USP36: variants seen among roughly 807,000 people sequenced by gnomAD.
The protein encoded by USP36 is ubiquitin specific peptidase 36.
Under a neutral mutation model 111.5 loss-of-function variants are expected in USP36, and 59 were observed. The ratio of observed to expected loss-of-function variants is 0.53; its 90% CI spans 0.43 to 0.66. The LOEUF (loss-of-function observed/expected upper bound fraction) is 0.66, where lower values mean the gene tolerates loss of function less well. Ranked by LOEUF, USP36 falls within the 30% of genes least tolerant of loss-of-function variation. The pLI is 0.00. For missense variants in USP36, 1,488 were observed against 1,468.0 expected, an observed-to-expected ratio of 1.01 and a Z score of -0.22; for synonymous variants, 628 against 581.0, an observed-to-expected ratio of 1.08 and a Z score of -1.16.
At chr17:78,809,220 G>A (rs1240646683) in intron 13 of USP36, among the ~76,000 whole-genome samples, 1 of 152,136 alleles carries the variant, frequency 6.6e-6, no homozygotes, top group Non-Finnish European at 1.5e-5. Flanking sequence ...GTAAATCTTA[G>A]TCAATTCATA....
chr17:78,807,306 A>G lies in USP36; in HGVS notation c.1738T>C (p.Ser580Pro). Residue 580 changes from serine to proline, a missense_variant, in exon 14 of 21, where the codon TCT becomes CCT. Ser to Pro is a moderately conservative substitution (Grantham distance 74, BLOSUM62 -1). Transcript: ENST00000449938. ...GSWDSRDVVL[S>P]TSPKLLATAT... ...GTAGCCAGGAGCTTAGGTGAGGTAGAGAGGACAACATCCCTGCTGTCCCAG... is the reference window on the plus strand; with the variant it reads ...GTAGCCAGGAGCTTAGGTGAGGTAGGGAGGACAACATCCCTGCTGTCCCAG... 6.2e-7 allele frequency: 1 copy of G among 1,614,178 alleles called. No individual in the cohort carries two copies. Among genetic ancestry groups the G allele is most frequent in the Non-Finnish European group, 8.5e-7 (1 of 1,180,016 alleles).
intron 13 of USP36, among the ~76,000 whole-genome samples, chr17:78,811,960 A>T (rs1422022440): frequency 6.6e-6 from 1 of 152,188 alleles, no homozygotes; most frequent in Non-Finnish European, 1.5e-5. Flanking sequence ...AGGCCAAGAC[A>T]GGAGAATTGC....
In USP36 at chr17:78,835,293, C is replaced by G; in HGVS notation, c.462G>C (p.Glu154Asp). The G allele has an allele frequency of 6.2e-7, 1 of 1,614,180 alleles. No homozygotes were observed. Among genetic ancestry groups the G allele is most frequent in the South Asian group, 1.1e-5 (1 of 91,084 alleles). The part of the protein sequence containing the change: ...PPLANYLLSK[E>D]HARSCHQGSF... The stretch of plus-strand genomic sequence containing the variant: ...ACCCACACTCACAGCTGCGAGCATG[C>G]TCCTTGGAGAGCAGGTAGTTGGCTA... Residue 154 changes from glutamate (E) to aspartate (D), a missense_variant, in exon 4 of 21, where the codon GAG becomes GAC. Physicochemically the swap from Glu to Asp is conservative, Grantham distance 45 (BLOSUM62 2). Transcript: ENST00000449938.
At chr17:78,790,955 G>C (rs1440348290), downstream of USP36, among the ~76,000 whole-genome samples, 1 of 152,110 alleles carries the variant, frequency 6.6e-6, no homozygotes, top group Non-Finnish European at 1.5e-5. Flanking sequence ...AAATGAAGCA[G>C]TAAGGGAGAA....
At chr17:78,790,626 A>G (rs529644187) in intron 3 of USP36, among the ~76,000 whole-genome samples, 18 of 152,190 alleles carry the variant, frequency 1.2e-4, no homozygotes, top group African/African-American at 3.9e-4. Context: ...GGCTCAAGCA[A>G]TCCTCTCATC....
downstream of USP36, among the ~76,000 whole-genome samples, chr17:78,792,605 C>T (rs1047279998): frequency 6.6e-6 from 1 of 152,198 alleles, no homozygotes; most frequent in Non-Finnish European, 1.5e-5. Flanking sequence ...AGCCCGGCAA[C>T]TGGTGTTTTA....
downstream of USP36, among the ~76,000 whole-genome samples, chr17:78,795,046 C>T (rs1049262850): frequency 2.6e-5 from 4 of 151,780 alleles, no homozygotes; most frequent in Admixed American, 1.3e-4. This position sits in a 1 kb window ranked among gnomAD's most constrained non-coding sequence, Gnocchi z 4.5. Flanking sequence ...ACCACAGCCT[C>T]GCCCATGTCG....
In USP36 at chr17:78,812,949, A is replaced by G. The variant is rs1249860743; in HGVS notation, c.1318T>C (p.Ser440Pro). 2 of 1,614,012 alleles carry G rather than the reference A, an allele frequency of 1.2e-6. No homozygotes were observed. Among genetic ancestry groups the G allele is most frequent in the Non-Finnish European group, 1.7e-6 (2 of 1,179,992 alleles). Residue 440 changes from serine to proline, a missense_variant, in exon 13 of 21, where the codon TCC becomes CCC. By Grantham distance (74) the Ser-to-Pro change is moderately conservative. Transcript: ENST00000449938. ...PEGLISRTGS[S>P]SLPGRPSVIP... ...ACACTCGGGCGGCCGGGAAGGGAGG[A>G]GGAGCCTGTCCTGGAGATGAGGCCC...
chr17:78,799,197 G>A (rs904594394), intron 18 of USP36, among the ~76,000 whole-genome samples, 174 bp from the exon 19 acceptor site: 4 of 152,208 alleles, frequency 2.6e-5, no homozygotes, highest in South Asian at 4.1e-4. Flanking sequence ...ATGTGTGGTC[G>A]GTCAGCATGG....
intron 2 of USP36, among the ~76,000 whole-genome samples, chr17:78,838,381 A>C (rs1464460560): frequency 6.8e-6 from 1 of 147,752 alleles, no homozygotes; most frequent in Non-Finnish European, 1.5e-5. Context: ...CAAAAAAAAA[A>C]AAAAACAAAA....
At chr17:78,808,993 GC>G (rs1034567161) in intron 13 of USP36, among the ~76,000 whole-genome samples, 1 of 152,162 alleles carries the variant, frequency 6.6e-6, no homozygotes, top group African/African-American at 2.4e-5. Context: ...ATGCCAAACT[GC>G]TTTTACTATA....
At chr17:78,806,652 C>A (rs2093910032) in intron 14 of USP36, among the ~76,000 whole-genome samples, 2 of 152,172 alleles carry the variant, frequency 1.3e-5, no homozygotes, top group South Asian at 4.1e-4. Context: ...GTGGGGCCCA[C>A]CCTCCCTCGG....
At chr17:78,827,864 T>G (rs1192464258) in intron 5 of USP36, among the ~76,000 whole-genome samples, 1 of 152,086 alleles carries the variant, frequency 6.6e-6, no homozygotes, top group Non-Finnish European at 1.5e-5. Flanking sequence ...AGCTATGATC[T>G]CACCACTGCA....
chr17:78,800,637 T>C (rs971427487), intron 17 of USP36, among the ~76,000 whole-genome samples: 1 of 152,212 alleles, frequency 6.6e-6, no homozygotes, highest in African/African-American at 2.4e-5. Flanking sequence ...GACCCGGCCA[T>C]GCAGAGCAGC....
chr17:78,795,592 C>T (rs1409618432), downstream of USP36: 1 of 152,072 alleles, frequency 6.6e-6, no homozygotes, highest in Non-Finnish European at 1.5e-5. The surrounding 1 kb of genome is among the most constrained non-coding windows in gnomAD (Gnocchi z 4.5). Context: ...ATCAGCGAGA[C>T]TGTGGTTGGG....
At chr17:78,824,268 A>T (rs1021339034) in intron 6 of USP36, among the ~76,000 whole-genome samples, 11 of 152,234 alleles carry the variant, frequency 7.2e-5, no homozygotes, top group African/African-American at 2.7e-4. Flanking sequence ...AAAAAAATGA[A>T]ATCATGCACG....
At chr17:78,824,938 G>A (rs1208909913) in intron 6 of USP36, among the ~76,000 whole-genome samples, 1 of 152,170 alleles carries the variant, frequency 6.6e-6, no homozygotes, top group Admixed American at 6.5e-5. Context: ...CACTCAGAAT[G>A]CTAAAAGCAA....
Position 78,807,490 on chromosome 17 carries a change from G to C in USP36, c.1554C>G (p.Leu518=), listed in dbSNP as rs1238972373. ...KLPSGSPSPK[L]SQTPTHMPTI... ...TTGGCATGTGTGTGGGTGTCTGGGAGAGTTTGGGGGAAGGGGACCCCGAGG... is the reference window on the plus strand; with the variant it reads ...TTGGCATGTGTGTGGGTGTCTGGGACAGTTTGGGGGAAGGGGACCCCGAGG... The change falls in exon 14 of 21, where the codon CTC becomes CTG. Residue 518 remains leucine, a synonymous_variant. Transcript: ENST00000449938. 3 of 1,614,042 alleles carry C rather than the reference G, an allele frequency of 1.9e-6. No homozygotes were observed. The highest frequency in any genetic ancestry group is 1.7e-6 in the Non-Finnish European group (2 of 1,179,950).
At chr17:78,800,969 ATTTT>A (rs746497209) in intron 17 of USP36, among the ~76,000 whole-genome samples, 1,668 of 97,182 alleles carry the variant, frequency 0.017, 22 homozygotes, top group African/African-American at 0.059. Flanking sequence ...TTAGGGCAGT[ATTTT>A]TTTTTTTTTT....
Sources: gnomAD v4.1 joint callset for allele counts (sites outside exome capture counted in the v4.1 genomes callset) on GRCh38, gnomAD v4.1.1 for gene constraint, Gnocchi (gnomAD v3.1) non-coding constraint, MANE v1.5 for transcripts, NCBI Gene and HGNC (gene_info 2026-07-23, HGNC 2026-07-21) for gene names.